MLIP: variants seen among roughly 807,000 people sequenced by gnomAD.
MLIP encodes the protein muscular LMNA-interacting protein.
In MLIP, 79 loss-of-function variants were observed where a neutral mutation model predicts 84.8. That is an observed-to-expected ratio of 0.93 (90% CI 0.78 to 1.12). MLIP has a LOEUF of 1.12. Among genes scored for constraint, MLIP ranks in the 50% most tolerant of loss-of-function variants. MLIP has a pLI of 0.00. For synonymous variants in MLIP, 504 were observed against 463.0 expected, an observed-to-expected ratio of 1.09 and a Z score of -1.14; for missense variants, 1,257 against 1,160.6, an observed-to-expected ratio of 1.08 and a Z score of -1.21.
rs1777773328 is a variant in MLIP, at chr6:54,190,138, T to C, written c.2589+224T>C. On this transcript the variant is annotated intron_variant, in intron 10 of 13. Coordinates refer to ENST00000502396, the MANE Select transcript of MLIP (RefSeq NM_001281747.2). ...AGACCTTACTTGCTAGTAACTTACA[T>C]CCAAGTAGAGGCATTAGAAGAGATT... is the stretch of plus-strand genomic sequence containing the variant. 2.0e-5 allele frequency among the ~76,000 whole-genome samples: 3 copies of C among 152,086 alleles called. No homozygotes were observed. In the South Asian group the frequency reaches 6.2e-4, roughly 32 times the overall value.
intron 13 of MLIP, among the ~76,000 whole-genome samples, chr6:54,265,605 A>C (rs143421553): frequency 9.2e-5 from 14 of 152,232 alleles, no homozygotes; most frequent in Admixed American, 3.3e-4. Flanking sequence ...TCATCAGCCA[A>C]GTCATGGAAG....
chr6:54,125,390 G>A (rs1282949658), intron 3 of MLIP, among the ~76,000 whole-genome samples: 1 of 152,196 alleles, frequency 6.6e-6, no homozygotes, highest in Non-Finnish European at 1.5e-5. Flanking sequence ...AACATCTTTT[G>A]TGGTCCTGGA....
At chr6:54,168,302 T>A (rs998880884) in intron 8 of MLIP, among the ~76,000 whole-genome samples, 1 of 151,774 alleles carries the variant, frequency 6.6e-6, no homozygotes, top group Non-Finnish European at 1.5e-5. Flanking sequence ...TCAACATTGA[T>A]CATCTAATTT....
At chr6:54,087,484 A>T (rs113557136) in intron 1 of MLIP, among the ~76,000 whole-genome samples, 1 of 152,224 alleles carries the variant, frequency 6.6e-6, no homozygotes, top group Non-Finnish European at 1.5e-5. Flanking sequence ...ACATAAAAAA[A>T]CCCACAGAAA....
intron 1 of MLIP, among the ~76,000 whole-genome samples, chr6:54,105,751 A>C (rs911853721): frequency 2.0e-5 from 3 of 152,208 alleles, no homozygotes; most frequent in African/African-American, 7.2e-5. Flanking sequence ...GGGCAGAGAC[A>C]TGAGGAAATG....
chr6:54,034,717 TA>T (rs1466020317), intron 1 of MLIP, among the ~76,000 whole-genome samples: 4 of 152,084 alleles, frequency 2.6e-5, no homozygotes, highest in Non-Finnish European at 5.9e-5. Context: ...TAAAGTAAGC[TA>T]AGATTAATTT....
chr6:54,096,656 T>C (rs1310815372), intron 1 of MLIP, among the ~76,000 whole-genome samples: 1 of 152,144 alleles, frequency 6.6e-6, no homozygotes, highest in Non-Finnish European at 1.5e-5. Context: ...TTGGGTCTGC[T>C]TCATCACCCA....
chr6:54,101,371 G>C (rs1297200824), intron 1 of MLIP, among the ~76,000 whole-genome samples: 2 of 151,866 alleles, frequency 1.3e-5, no homozygotes, highest in African/African-American at 2.4e-5. Flanking sequence ...TATTTATTGG[G>C]TACCTACTAT....
intron 1 of MLIP, among the ~76,000 whole-genome samples, chr6:54,019,263 G>T (rs777268500): frequency 1.4e-4 from 21 of 152,038 alleles, no homozygotes; most frequent in Admixed American, 2.6e-4. Context: ...ATGTAATAAA[G>T]TTATATATAA....
chr6:54,227,092 T>C (rs2150789435), intron 11 of MLIP, among the ~76,000 whole-genome samples: 1 of 152,258 alleles, frequency 6.6e-6, no homozygotes, highest in South Asian at 2.1e-4. Context: ...ACAGTTCTCA[T>C]GAGATCAGGT....
chr6:54,232,043 T>C (rs1252306308), intron 12 of MLIP, among the ~76,000 whole-genome samples: 1 of 152,158 alleles, frequency 6.6e-6, no homozygotes, highest in African/African-American at 2.4e-5. Flanking sequence ...CAACATTCAA[T>C]ATGACATTTT....
intron 1 of MLIP, among the ~76,000 whole-genome samples, chr6:54,032,172 T>G (rs1764177415): frequency 6.6e-6 from 1 of 152,060 alleles, no homozygotes; most frequent in Non-Finnish European, 1.5e-5. Flanking sequence ...CCAGTAAAAC[T>G]CAATGAGAGG....
intron 5 of MLIP, among the ~76,000 whole-genome samples, chr6:54,150,286 A>G (rs1773307312): frequency 6.6e-6 from 1 of 152,204 alleles, no homozygotes; most frequent in South Asian, 2.1e-4. Flanking sequence ...GAAAATCTGC[A>G]GCTTTTTCCC....
intron 12 of MLIP, among the ~76,000 whole-genome samples, chr6:54,237,666 G>C (rs1229169368): frequency 7.1e-6 from 1 of 141,684 alleles, no homozygotes; most frequent in African/African-American, 2.9e-5. Context: ...GACGACATAG[G>C]GAGACTGTCT....
rs538923833 is a variant in MLIP, at chr6:54,249,958, C to G, written c.2923-7350C>G. Among the ~76,000 whole-genome samples, 8 of 152,080 alleles carry G rather than the reference C, an allele frequency of 5.3e-5. No homozygotes were observed. In the South Asian group the frequency reaches 1.7e-3, roughly 32 times the overall value. ...ACTGTCTTCATCCTCCCACCCTCCA[C>G]CCTCTGACAGGCCCCAGTGTCTGTT... On this transcript the variant is annotated intron_variant, in intron 12 of 13. Transcript: ENST00000502396.
At chr6:54,072,548 C>T (rs571859960) in intron 1 of MLIP, among the ~76,000 whole-genome samples, 1 of 152,276 alleles carries the variant, frequency 6.6e-6, no homozygotes, top group South Asian at 2.1e-4. Context: ...CAGAATGACA[C>T]TATTATAGTT....
At chr6:54,153,698 A>T (rs537651344) in intron 5 of MLIP, among the ~76,000 whole-genome samples, 11 of 152,064 alleles carry the variant, frequency 7.2e-5, no homozygotes, top group Admixed American at 5.9e-4. Context: ...TAATACAAAA[A>T]AAATTTAACT....
Position 54,100,305 on chromosome 6 carries a change from C to T in MLIP, c.64-21142C>T, listed in dbSNP as rs796990914. On this transcript the variant is annotated intron_variant, in intron 1 of 12. Transcript: ENST00000274897. Reference sequence around the variant, plus strand: ...ACAAGCTTGATAAGTACATAAAGTGCTTTTTTTCTGGTAAGATGATTGCTC... The same window carrying T: ...ACAAGCTTGATAAGTACATAAAGTGTTTTTTTTCTGGTAAGATGATTGCTC... Among the ~76,000 whole-genome samples the T allele has an allele frequency of 5.9e-4, 90 of 152,092 alleles. No homozygotes were observed. The East Asian group carries it at 7.7e-3, about 13-fold the overall frequency.
intron 10 of MLIP, among the ~76,000 whole-genome samples, chr6:54,200,859 T>C (rs1778630608): frequency 2.0e-5 from 3 of 152,094 alleles, no homozygotes; most frequent in Admixed American, 2.0e-4. Context: ...TATTGCAGAG[T>C]GACATTTATT....
Sources: allele counts gnomAD v4.1 joint callset (sites outside exome capture counted in the v4.1 genomes callset), GRCh38; gene constraint gnomAD v4.1.1; transcripts MANE v1.5; gene names NCBI Gene and HGNC (gene_info 2026-07-23, HGNC 2026-07-21).